The following ANTXR2 variants were observed in gnomAD, a reference collection of about 807,000 sequenced individuals.
ANTXR2 encodes the protein ANTXR cell adhesion molecule 2, also known as anthrax toxin receptor 2.
A neutral mutation model predicts 73.7 loss-of-function variants in ANTXR2; 44 were observed. The observed-to-expected ratio is 0.60, with a 90% confidence interval of 0.47 to 0.77. ANTXR2 has a LOEUF of 0.77. ANTXR2 is among the 30% of genes least tolerant of loss of function. The pLI is 0.00. For synonymous variants in ANTXR2, 217 were observed against 205.9 expected, an observed-to-expected ratio of 1.05 and a Z score of -0.46; for missense variants, 604 against 592.5, an observed-to-expected ratio of 1.02 and a Z score of -0.20.
intron 16 of ANTXR2, among the ~76,000 whole-genome samples, chr4:79,937,768 G>A (rs902265681): frequency 2.6e-5 from 4 of 151,864 alleles, no homozygotes; most frequent in African/African-American, 7.3e-5. Flanking sequence ...AGCTCCCAGC[G>A]TGAGCGACGC....
intron 16 of ANTXR2, among the ~76,000 whole-genome samples, chr4:79,914,272 C>T (rs1053790284): frequency 6.6e-6 from 1 of 152,054 alleles, no homozygotes; most frequent in Non-Finnish European, 1.5e-5. Flanking sequence ...TATGTCTTGG[C>T]TTTTAGGAAG....
At chr4:79,945,750 G>A (rs1052974153) in intron 16 of ANTXR2, among the ~76,000 whole-genome samples, 2 of 152,110 alleles carry the variant, frequency 1.3e-5, no homozygotes, top group African/African-American at 2.4e-5. Context: ...AGTCAGAAAG[G>A]TCTAAATTAA....
chr4:80,046,899 T>G (rs1261340886), intron 7 of ANTXR2, among the ~76,000 whole-genome samples: 1 of 151,658 alleles, frequency 6.6e-6, no homozygotes. Context: ...AATTGAGAAA[T>G]TGTACATTTT....
At chr4:80,050,200 T>C (rs1012345702) in intron 7 of ANTXR2, among the ~76,000 whole-genome samples, 5 of 151,880 alleles carry the variant, frequency 3.3e-5, no homozygotes, top group Middle Eastern at 3.4e-3. Context: ...TACATAGCTT[T>C]TGTCATGGGA....
rs761909211 is a variant in ANTXR2 at position 80,069,541 on chromosome 4, T to C, written c.225-34A>G. 2.0e-6 allele frequency: 3 copies of C among 1,484,140 alleles called. No individual in the cohort carries two copies. In the South Asian group the frequency reaches 3.6e-5, roughly 18 times the overall value. 91.9% of individuals were successfully genotyped at this position (1,484,140 alleles called of 1,614,324 possible). On this transcript the variant is annotated intron_variant, in intron 2 of 16. Coordinates refer to ENST00000403729, the MANE Select transcript of ANTXR2 (RefSeq NM_058172.6). ...TAAGAAAAGAGGCAGTTAAAACATT[T>C]TTAAAAAGAAATATTGATACGATAC...
Position 80,023,943 on chromosome 4 carries a change from G to T in ANTXR2, c.867-4967C>A, listed in dbSNP as rs568284379. Among the ~76,000 whole-genome samples the T allele has an allele frequency of 8.5e-5, 13 of 152,344 alleles. No individual in the cohort carries two copies. The South Asian group carries it at 2.5e-3, about 29-fold the overall frequency. On this transcript the variant is annotated intron_variant, in intron 10 of 16. Coordinates refer to ENST00000403729, the MANE Select transcript of ANTXR2 (RefSeq NM_058172.6). Reference sequence around the variant, plus strand: ...GTTTGATAGAAATATAGTTAGAAATGTGTTTTACAAATATCATTCTTGTTA... The same window carrying T: ...GTTTGATAGAAATATAGTTAGAAATTTGTTTTACAAATATCATTCTTGTTA...
intron 13 of ANTXR2, 70 bp downstream of exon 13, chr4:79,984,749 T>G (rs1358561062): frequency 9.1e-6 from 12 of 1,323,914 alleles, no homozygotes; most frequent in Non-Finnish European, 1.3e-5. Context: ...CAAAATTGAT[T>G]AAATTTGGGC....
At chr4:80,025,275 T>C (rs1732372689) in intron 10 of ANTXR2, among the ~76,000 whole-genome samples, 1 of 152,202 alleles carries the variant, frequency 6.6e-6, no homozygotes, top group Non-Finnish European at 1.5e-5. Flanking sequence ...TGTCTAAAGA[T>C]GCATGACTCT....
intron 16 of ANTXR2, among the ~76,000 whole-genome samples, chr4:79,909,529 A>G (rs111541382): frequency 1.7e-4 from 22 of 128,964 alleles, no homozygotes; most frequent in African/African-American, 6.2e-4. Flanking sequence ...AAAGATATGG[A>G]AACTTGAAGG....
chr4:79,987,637 T>C (rs1282078719), intron 12 of ANTXR2, among the ~76,000 whole-genome samples: 2 of 152,012 alleles, frequency 1.3e-5, no homozygotes, highest in Non-Finnish European at 2.9e-5. Flanking sequence ...ATCTTTAAAA[T>C]ATACTAGAAA....
Position 79,977,737 on chromosome 4 carries a change from T to G in ANTXR2, c.1348-36A>C, listed in dbSNP as rs372453434. ...ATGAGATTTGTGAATTCCCAGAGAA[T>G]GTACTCAATCTCTATGTACTGAATA... On this transcript the variant is annotated intron_variant, in intron 15 of 16. Coordinates refer to ENST00000403729, the MANE Select transcript of ANTXR2 (RefSeq NM_058172.6). The G allele has an allele frequency of 3.3e-6, 5 of 1,532,778 alleles. No individual in the cohort carries two copies. The African/African-American group carries it at 5.5e-5, about 17-fold the overall frequency. The allele number at this position is 1,532,778 out of a possible 1,614,324, so 94.9% of individuals were successfully genotyped here.
At chr4:79,973,837 G>A (rs1729527045) in intron 16 of ANTXR2, among the ~76,000 whole-genome samples, 2 of 152,094 alleles carry the variant, frequency 1.3e-5, no homozygotes, top group South Asian at 2.1e-4. Flanking sequence ...AAAAGGTAAA[G>A]GTCATATGCT....
intron 16 of ANTXR2, among the ~76,000 whole-genome samples, chr4:79,945,960 T>G (rs1234898549): frequency 6.6e-6 from 1 of 152,114 alleles, no homozygotes; most frequent in African/African-American, 2.4e-5. Flanking sequence ...AAGATGAAGG[T>G]GACAGAGAGA....
intron 12 of ANTXR2, among the ~76,000 whole-genome samples, chr4:80,007,576 G>C (rs1462728119): frequency 6.6e-6 from 1 of 152,148 alleles, no homozygotes; most frequent in Non-Finnish European, 1.5e-5. Context: ...GATGATCCTG[G>C]ATTAGCTAAG....
At chr4:79,927,050 C>CGTGT (rs60094987) in intron 16 of ANTXR2, among the ~76,000 whole-genome samples, 5 of 91,130 alleles carry the variant, frequency 5.5e-5, no homozygotes, top group Non-Finnish European at 1.0e-4. Context: ...TATATATGTG[C>CGTGT]GTGTGTGTGT....
At chr4:79,910,009 A>G (rs1357729717) in intron 16 of ANTXR2, among the ~76,000 whole-genome samples, 1 of 152,200 alleles carries the variant, frequency 6.6e-6, no homozygotes, top group African/African-American at 2.4e-5. Flanking sequence ...TGAGCACTCT[A>G]AAGATGGAGT....
intron 7 of ANTXR2, among the ~76,000 whole-genome samples, chr4:80,043,253 T>C (rs143353923): frequency 4.5e-4 from 40 of 88,050 alleles, no homozygotes; most frequent in Middle Eastern, 5.5e-3. Flanking sequence ...ATATTTGGTA[T>C]AAAATGGCTG....
At chr4:79,921,560 C>G (rs1727587884) in intron 16 of ANTXR2, among the ~76,000 whole-genome samples, 1 of 152,050 alleles carries the variant, frequency 6.6e-6, no homozygotes, top group Non-Finnish European at 1.5e-5. Flanking sequence ...TATTATAAAA[C>G]TTCACTTTAA....
At chr4:79,908,709 G>A (rs537431867) in intron 16 of ANTXR2, among the ~76,000 whole-genome samples, 1 of 152,064 alleles carries the variant, frequency 6.6e-6, no homozygotes, top group African/African-American at 2.4e-5. Flanking sequence ...CAGTGCAAAA[G>A]GAAGTAGGAA....
Sources: allele counts gnomAD v4.1 joint callset (sites outside exome capture counted in the v4.1 genomes callset), GRCh38; gene constraint gnomAD v4.1.1; transcripts MANE v1.5; gene names NCBI Gene and HGNC (gene_info 2026-07-23, HGNC 2026-07-21).